TRAPPC9: variants seen among roughly 807,000 people sequenced by gnomAD.
TRAPPC9 encodes the protein trafficking protein particle complex subunit 9.
In TRAPPC9, 83 loss-of-function variants were observed where a neutral mutation model predicts 124.0. The ratio of observed to expected loss-of-function variants is 0.67; its 90% CI spans 0.56 to 0.80. The LOEUF (loss-of-function observed/expected upper bound fraction) is 0.80. Ranked by LOEUF, TRAPPC9 falls within the 30% of genes least tolerant of loss-of-function variation. The pLI is 0.00. For synonymous variants in TRAPPC9, 638 were observed against 617.5 expected (o/e 1.03, Z -0.49); for missense variants, 1,302 against 1,508.3 (o/e 0.86, Z 2.27).
intron 17 of TRAPPC9, among the ~76,000 whole-genome samples, chr8:140,127,033 G>A (rs1429001702): frequency 6.6e-6 from 1 of 152,154 alleles, no homozygotes; most frequent in Non-Finnish European, 1.5e-5. Context: ...GCCATGTCTG[G>A]GCATCTCTAA....
intron 1 of TRAPPC9, among the ~76,000 whole-genome samples, chr8:140,453,565 G>A (rs1390816395): frequency 2.4e-5 from 2 of 85,032 alleles, no homozygotes; most frequent in Admixed American, 1.1e-4. Flanking sequence ...CATGGATAGA[G>A]AAGTATGAAC....
At position 139,890,592 on chromosome 8, in the gene TRAPPC9, C is replaced by G. The variant is rs143871500; in HGVS notation, c.2965-4623G>C. ...GGGGTCAAAGGCCATTGTGAGGGAC[C>G]CCTTCCCGGTCTGTTTTCTCAGTTT... On this transcript the variant is annotated intron_variant, in intron 20 of 22. Coordinates refer to ENST00000438773, the MANE Select transcript of TRAPPC9 (RefSeq NM_001160372.4). Among the ~76,000 whole-genome samples, 264 of 152,268 alleles carry G rather than the reference C, an allele frequency of 1.7e-3. 1 individual carries two copies. The highest frequency in any genetic ancestry group is 0.015 in the Admixed American group (222 of 15,296).
At chr8:140,143,360 C>G (rs914079113) in intron 17 of TRAPPC9, among the ~76,000 whole-genome samples, 6 of 151,956 alleles carry the variant, frequency 3.9e-5, no homozygotes, top group Admixed American at 6.6e-5. Flanking sequence ...ATCAGTGGGA[C>G]TCACTCTTAT....
At chr8:140,122,579 T>C (rs1351338393) in intron 17 of TRAPPC9, among the ~76,000 whole-genome samples, 1 of 152,252 alleles carries the variant, frequency 6.6e-6, no homozygotes, top group African/African-American at 2.4e-5. Flanking sequence ...TTTCCCTTTC[T>C]AAGAGAAATA....
intron 17 of TRAPPC9, among the ~76,000 whole-genome samples, chr8:140,090,924 G>A (rs371123619): frequency 1.8e-4 from 28 of 152,298 alleles, no homozygotes; most frequent in African/African-American, 6.3e-4. Flanking sequence ...TCCAGAAGCC[G>A]GACTGGTGTG....
chr8:140,029,229 G>A (rs911866521), intron 17 of TRAPPC9, among the ~76,000 whole-genome samples: 2 of 152,212 alleles, frequency 1.3e-5, no homozygotes, highest in Non-Finnish European at 2.9e-5. Context: ...AGATGGCCAG[G>A]CATTGCGGCT....
At chr8:140,184,927 C>A (rs1374826854) in intron 17 of TRAPPC9, among the ~76,000 whole-genome samples, 8 of 152,116 alleles carry the variant, frequency 5.3e-5, no homozygotes, top group Non-Finnish European at 1.5e-5. Context: ...TCTCTCCTGA[C>A]TGCTAACACA....
At chr8:140,327,513 T>C (rs763581139) in intron 9 of TRAPPC9, among the ~76,000 whole-genome samples, 1 of 152,192 alleles carries the variant, frequency 6.6e-6, no homozygotes, top group African/African-American at 2.4e-5. Flanking sequence ...ACAAGCCAAA[T>C]GTCCATTGAC....
At chr8:140,325,608 G>T (rs1276504654) in intron 9 of TRAPPC9, among the ~76,000 whole-genome samples, 1 of 152,216 alleles carries the variant, frequency 6.6e-6, no homozygotes, top group Non-Finnish European at 1.5e-5. Context: ...TATTAAAGAA[G>T]TTGAATCTGT....
At chr8:139,943,329 A>G (rs567903343) in intron 19 of TRAPPC9, among the ~76,000 whole-genome samples, 20 of 152,214 alleles carry the variant, frequency 1.3e-4, no homozygotes, top group Non-Finnish European at 2.1e-4. Flanking sequence ...GGCCTCCCAA[A>G]GTGCTGGGAT....
chr8:139,942,092 C>T (rs1467582156), intron 19 of TRAPPC9, among the ~76,000 whole-genome samples: 1 of 152,146 alleles, frequency 6.6e-6, no homozygotes, highest in African/African-American at 2.4e-5. Context: ...AAAAGACTCG[C>T]CTTACTGATT....
intron 17 of TRAPPC9, among the ~76,000 whole-genome samples, chr8:140,114,512 A>T (rs1333554423): frequency 1.3e-5 from 2 of 152,204 alleles, no homozygotes; most frequent in Non-Finnish European, 2.9e-5. Context: ...CAGAAAGATG[A>T]CATTAATGTA....
chr8:139,841,923 C>T (rs1180115882), intron 21 of TRAPPC9, among the ~76,000 whole-genome samples: 2 of 152,218 alleles, frequency 1.3e-5, no homozygotes, highest in Non-Finnish European at 2.9e-5. Flanking sequence ...GTTTACTAGA[C>T]AGGGCAGGAG....
At chr8:140,208,936 C>T (rs921272048) in intron 17 of TRAPPC9, among the ~76,000 whole-genome samples, 1 of 152,218 alleles carries the variant, frequency 6.6e-6, no homozygotes, top group Non-Finnish European at 1.5e-5. Context: ...GCAGGGCCAA[C>T]TGCAGGACTA....
intron 5 of TRAPPC9, among the ~76,000 whole-genome samples, chr8:140,417,605 T>C (rs1388676678): frequency 6.6e-6 from 1 of 152,244 alleles, no homozygotes. Flanking sequence ...GCCTTTATAC[T>C]GTTGGTGGGA....
intron 17 of TRAPPC9, among the ~76,000 whole-genome samples, chr8:140,143,463 T>C (rs771340849): frequency 6.6e-6 from 1 of 152,238 alleles, no homozygotes; most frequent in African/African-American, 2.4e-5. Context: ...GGATATTTCA[T>C]ATATACAGAA....
chr8:139,972,197 C>T (rs1373681819), intron 19 of TRAPPC9, among the ~76,000 whole-genome samples: 12 of 152,090 alleles, frequency 7.9e-5, no homozygotes, highest in Admixed American at 7.9e-4. Flanking sequence ...GCCCTCATGC[C>T]ACCACCAAAG....
intron 17 of TRAPPC9, among the ~76,000 whole-genome samples, chr8:140,199,296 C>T (rs2062735059): frequency 6.6e-6 from 1 of 152,166 alleles, no homozygotes; most frequent in Non-Finnish European, 1.5e-5. Flanking sequence ...GTAAACCACA[C>T]TGTGAGTAGC....
chr8:140,428,019 C>G (rs71514676), intron 4 of TRAPPC9, among the ~76,000 whole-genome samples: 2 of 152,170 alleles, frequency 1.3e-5, no homozygotes, highest in African/African-American at 4.8e-5. Flanking sequence ...AGCCCCACCG[C>G]CACACACGCC....
Sources: allele counts gnomAD v4.1 joint callset (sites outside exome capture counted in the v4.1 genomes callset), GRCh38; gene constraint gnomAD v4.1.1; transcripts MANE v1.5; gene names NCBI Gene and HGNC (gene_info 2026-07-23, HGNC 2026-07-21).